ARHGEF28: variants seen among roughly 807,000 people sequenced by gnomAD.
ARHGEF28 encodes the protein 190 kDa guanine nucleotide exchange factor.
A neutral mutation model predicts 206.6 loss-of-function variants in ARHGEF28; 152 were observed. That is an observed-to-expected ratio of 0.74 (90% confidence interval 0.64 to 0.84). The LOEUF (loss-of-function observed/expected upper bound fraction) is 0.84. Among genes scored for constraint, ARHGEF28 ranks in the 40% least tolerant of loss-of-function variants. The pLI is 0.00. For synonymous variants in ARHGEF28, 763 were observed against 776.4 expected, an observed-to-expected ratio of 0.98 and a Z score of 0.29; for missense variants, 2,028 against 2,073.2, an observed-to-expected ratio of 0.98 and a Z score of 0.42.
At chr5:73,680,552 T>C (rs1747016384) in intron 1 of ARHGEF28, among the ~76,000 whole-genome samples, 1 of 150,386 alleles carries the variant, frequency 6.6e-6, no homozygotes, top group South Asian at 2.1e-4. Context: ...AGACGACACA[T>C]TGGGTACAGT....
chr5:73,684,402 C>A (rs1747312470), intron 1 of ARHGEF28, among the ~76,000 whole-genome samples: 1 of 152,126 alleles, frequency 6.6e-6, no homozygotes, highest in Non-Finnish European at 1.5e-5. Flanking sequence ...CATGTACTAG[C>A]CTTTTGTTTC....
At chr5:73,750,988 T>G (rs992950026) in intron 3 of ARHGEF28, among the ~76,000 whole-genome samples, 1 of 152,238 alleles carries the variant, frequency 6.6e-6, no homozygotes, top group Admixed American at 6.5e-5. Context: ...TGCAGATACC[T>G]CTTAGCTCTA....
intron 2 of ARHGEF28, among the ~76,000 whole-genome samples, chr5:73,690,938 C>CT (rs1009452631): frequency 4.1e-4 from 61 of 147,720 alleles, no homozygotes; most frequent in Admixed American, 1.2e-3. Context: ...GAAGTTCCAC[C>CT]TTTTTTTTTT....
intron 1 of ARHGEF28, among the ~76,000 whole-genome samples, chr5:73,636,584 T>C (rs1029423549): frequency 2.0e-5 from 3 of 152,150 alleles, no homozygotes; most frequent in Non-Finnish European, 4.4e-5. Flanking sequence ...TTGGAAGTGA[T>C]TGCTGGTGGT....
chr5:73,746,972 T>C (rs1751751897), intron 2 of ARHGEF28, among the ~76,000 whole-genome samples: 1 of 152,162 alleles, frequency 6.6e-6, no homozygotes, highest in Non-Finnish European at 1.5e-5. Context: ...CTTGTTGAGT[T>C]TCATTTGAAA....
chr5:73,784,721 T>A (rs539198933), intron 7 of ARHGEF28, among the ~76,000 whole-genome samples: 1 of 152,340 alleles, frequency 6.6e-6, no homozygotes, highest in Non-Finnish European at 1.5e-5. Flanking sequence ...CTGAACCTTA[T>A]ATATACTATG....
At chr5:73,716,441 A>G (rs1385607486) in intron 2 of ARHGEF28, among the ~76,000 whole-genome samples, 2 of 152,188 alleles carry the variant, frequency 1.3e-5, no homozygotes, top group East Asian at 1.9e-4. Context: ...ACTTGAGTCA[A>G]TTCAGAGGAA....
rs566559610 is a variant in ARHGEF28 at position 73,696,108 on chromosome 5, G to A, written c.33+11224G>A. ...TGCAATACCTAGTGCAGTGCCCAAC[G>A]CACTGTAGGCTTTCACTAAACGTTT... On this transcript the variant is annotated intron_variant, in intron 2 of 35. Transcript: ENST00000513042. 5.3e-5 allele frequency among the ~76,000 whole-genome samples: 8 copies of A among 152,304 alleles called. No individual in the cohort carries two copies. In the South Asian group the frequency reaches 1.0e-3, roughly 20 times the overall value.
chr5:73,797,079 G>A lies in ARHGEF28; in HGVS notation c.1024+1688G>A, dbSNP rs892772345. Among the ~76,000 whole-genome samples, 7 of 152,218 alleles carry A rather than the reference G, an allele frequency of 4.6e-5. No homozygotes were observed. In the South Asian group the frequency reaches 8.3e-4, roughly 18 times the overall value. ...ACGGAAATTGTAGTAGTCTGACCTC[G>A]TCTGAGTGTTTTGTCAGTAACATCA... is the stretch of plus-strand genomic sequence containing the variant. On this transcript the variant is annotated intron_variant, in intron 9 of 35. Coordinates refer to ENST00000513042, the MANE Select transcript of ARHGEF28 (RefSeq NM_001177693.2).
intron 33 of ARHGEF28, 195 bp downstream of exon 33, chr5:73,904,600 A>T: frequency 3.4e-6 from 2 of 579,942 alleles, no homozygotes; most frequent in Admixed American, 6.9e-5. Flanking sequence ...TACATTTTAT[A>T]CCATTCTTCT....
Position 73,749,919 on chromosome 5 carries a change from C to G in ARHGEF28, c.116C>G (p.Ser39Cys). The change falls in exon 3 of 36, where the codon TCT becomes TGT. Residue 39 changes from serine (S) to cysteine (C), a missense_variant. Physicochemically the swap from Ser to Cys is moderately radical, Grantham distance 112. This residue lies in a region of ARHGEF28 where 1,002 missense variants were observed against 1,015.3 expected (regional missense o/e 0.99). Coordinates refer to ENST00000513042, the MANE Select transcript of ARHGEF28 (RefSeq NM_001177693.2). ...DAEFYFTYDG[S>C]HQRHVMIAER... ...GAGTTTTACTTTACTTATGACGGAT[C>G]TCATCAGCGACATGTCATGATTGCA... The G allele has an allele frequency of 6.2e-7, 1 of 1,614,004 alleles. No individual in the cohort carries two copies. Among genetic ancestry groups the G allele is most frequent in the East Asian group, 2.2e-5 (1 of 44,884 alleles).
intron 10 of ARHGEF28, among the ~76,000 whole-genome samples, chr5:73,834,582 G>A (rs1030274130): frequency 6.6e-6 from 1 of 151,330 alleles, no homozygotes; most frequent in African/African-American, 2.4e-5. Flanking sequence ...GTGCATGTGT[G>A]TGTTTGTGTG....
intron 13 of ARHGEF28, among the ~76,000 whole-genome samples, chr5:73,851,406 CTT>C (rs77725087): frequency 4.7e-4 from 66 of 139,226 alleles, no homozygotes; most frequent in Admixed American, 2.1e-3. Context: ...TCTCATGCGT[CTT>C]TTTTTTTTTT....
At chr5:73,932,600 ATTTAAT>A (rs1456781571) in intron 35 of ARHGEF28, among the ~76,000 whole-genome samples, 6 of 152,192 alleles carry the variant, frequency 3.9e-5, no homozygotes, top group African/African-American at 1.4e-4. Flanking sequence ...ATTAGGCTAA[ATTTAAT>A]TTTAATATCC....
chr5:73,815,309 C>T (rs1756128688), intron 9 of ARHGEF28, among the ~76,000 whole-genome samples: 1 of 149,532 alleles, frequency 6.7e-6, no homozygotes, highest in Non-Finnish European at 1.5e-5. Flanking sequence ...GTATATATTG[C>T]TATTTTTTTG....
intron 1 of ARHGEF28, among the ~76,000 whole-genome samples, chr5:73,677,593 A>G (rs1357726843): frequency 1.3e-5 from 2 of 152,228 alleles, no homozygotes; most frequent in Non-Finnish European, 2.9e-5. Flanking sequence ...AAACATTTTT[A>G]GCCTGTTTAA....
intron 4 of ARHGEF28, among the ~76,000 whole-genome samples, chr5:73,758,195 C>T (rs1415181002): frequency 6.6e-6 from 1 of 152,050 alleles, no homozygotes; most frequent in Non-Finnish European, 1.5e-5. Context: ...TTCCTGTGAA[C>T]ACAGTAGCTT....
chr5:73,876,813 T>A (rs1176839139), intron 22 of ARHGEF28, among the ~76,000 whole-genome samples: 2 of 150,498 alleles, frequency 1.3e-5, no homozygotes, highest in Non-Finnish European at 3.0e-5. Flanking sequence ...TGCTGCTGGA[T>A]TCGGTTTGCC....
chr5:73,894,985 G>A (rs796667302), intron 29 of ARHGEF28, among the ~76,000 whole-genome samples: 4 of 152,216 alleles, frequency 2.6e-5, no homozygotes, highest in African/African-American at 9.6e-5. Flanking sequence ...CTCGCCTGAG[G>A]AGCAGGCAGG....
Sources: allele counts gnomAD v4.1 joint callset (sites outside exome capture counted in the v4.1 genomes callset), GRCh38; gene constraint gnomAD v4.1.1; regional missense constraint gnomAD v4.1.1; transcripts MANE v1.5; gene names NCBI Gene and HGNC (gene_info 2026-07-23, HGNC 2026-07-21).